Variants in ZFYVE28 observed in about 807,000 individuals in gnomAD.
The protein encoded by ZFYVE28 is zinc finger FYVE-type containing 28, also known as lateral signaling target protein 2 homolog.
In ZFYVE28, 40 loss-of-function variants were observed where a neutral mutation model predicts 82.1. That is an observed-to-expected ratio of 0.49 (90% CI 0.38 to 0.63). The LOEUF (loss-of-function observed/expected upper bound fraction) is 0.63. ZFYVE28 is among the 30% of genes least tolerant of loss of function. The pLI, the probability that ZFYVE28 is intolerant of heterozygous loss-of-function variation, is 0.00. For missense variants in ZFYVE28, 1,321 were observed against 1,242.1 expected (o/e 1.06, Z -0.96); for synonymous variants, 612 against 546.1 (o/e 1.12, Z -1.68).
chr4:2,302,800 C>T (rs367996697), intron 8 of ZFYVE28, among the ~76,000 whole-genome samples: 215 of 152,376 alleles, frequency 1.4e-3, no homozygotes, highest in African/African-American at 3.9e-3. Flanking sequence ...GGCGTGTTGC[C>T]GTGTGCCTCT....
intron 1 of ZFYVE28, among the ~76,000 whole-genome samples, chr4:2,356,367 T>G (rs1725316899): frequency 6.6e-6 from 1 of 151,802 alleles, no homozygotes; most frequent in Non-Finnish European, 1.5e-5. Flanking sequence ...GATCTGGACC[T>G]GGGACACAGC....
intron 1 of ZFYVE28, among the ~76,000 whole-genome samples, chr4:2,407,715 C>T (rs1249999965): frequency 7.2e-5 from 11 of 152,082 alleles, no homozygotes; most frequent in Non-Finnish European, 1.3e-4. Flanking sequence ...CTCAGCCTCC[C>T]GAGTAGCTGG....
chr4:2,398,268 G>A (rs932275709), intron 1 of ZFYVE28, among the ~76,000 whole-genome samples: 7 of 152,208 alleles, frequency 4.6e-5, no homozygotes, highest in African/African-American at 1.7e-4. Context: ...TTGGTGACCC[G>A]ATGGGTGGTC....
intron 6 of ZFYVE28, among the ~76,000 whole-genome samples, chr4:2,327,140 C>A (rs1472439070): frequency 6.6e-6 from 1 of 151,310 alleles, no homozygotes; most frequent in Middle Eastern, 3.2e-3. Context: ...GTCCCAGCTG[C>A]TCAGGAGGCT....
At chr4:2,331,358 G>C (rs1010609787) in intron 6 of ZFYVE28, among the ~76,000 whole-genome samples, 1 of 151,958 alleles carries the variant, frequency 6.6e-6, no homozygotes, top group Non-Finnish European at 1.5e-5. Context: ...TTTTAAGGCC[G>C]GGGCTGGGCA....
intron 7 of ZFYVE28, among the ~76,000 whole-genome samples, chr4:2,318,606 G>GCATCAT (rs1718586027): frequency 6.6e-6 from 1 of 152,196 alleles, no homozygotes; most frequent in Non-Finnish European, 1.5e-5. Flanking sequence ...TTTTCCCTGG[G>GCATCAT]TGGGCGGGGG....
intron 1 of ZFYVE28, among the ~76,000 whole-genome samples, chr4:2,365,364 C>CGTAGTT (rs1385808005): frequency 6.8e-6 from 1 of 146,462 alleles, no homozygotes; most frequent in African/African-American, 2.4e-5. Context: ...TCACAAAGGG[C>CGTAGTT]GTGTCCCCCC....
intron 1 of ZFYVE28, among the ~76,000 whole-genome samples, chr4:2,379,850 C>G (rs543642595): frequency 6.6e-6 from 1 of 151,958 alleles, no homozygotes; most frequent in Non-Finnish European, 1.5e-5. Flanking sequence ...TGCAGTCGCA[C>G]AATCTCAGCT....
chr4:2,351,254 G>A (rs1429865506), intron 2 of ZFYVE28, among the ~76,000 whole-genome samples: 1 of 152,134 alleles, frequency 6.6e-6, no homozygotes, highest in African/African-American at 2.4e-5. Context: ...CGGTGTGTGG[G>A]GAATACCCTA....
intron 1 of ZFYVE28, among the ~76,000 whole-genome samples, chr4:2,388,655 A>G (rs1486643225): frequency 6.6e-6 from 1 of 152,170 alleles, no homozygotes; most frequent in Non-Finnish European, 1.5e-5. Flanking sequence ...GAGAACGAAC[A>G]CGGTGGATGA....
At chr4:2,405,779 G>C (rs1731822001) in intron 1 of ZFYVE28, among the ~76,000 whole-genome samples, 1 of 152,236 alleles carries the variant, frequency 6.6e-6, no homozygotes, top group African/African-American at 2.4e-5. Flanking sequence ...TGGGCGCAGT[G>C]GCTCACGCCT....
Position 2,279,117 on chromosome 4 carries a change from A to C in ZFYVE28, c.2052-4901T>G, listed in dbSNP as rs180904908. 2.6e-4 allele frequency among the ~76,000 whole-genome samples: 39 copies of C among 152,324 alleles called. 1 individual carries two copies. The East Asian group carries it at 7.3e-3, about 29-fold the overall frequency. Reference sequence around the variant, plus strand: ...AATGGAATAAGTTTTCAGCCACAGAAAGGAACGCAGCACTTATACATGCTA... The same window carrying C: ...AATGGAATAAGTTTTCAGCCACAGACAGGAACGCAGCACTTATACATGCTA... On this transcript the variant is annotated intron_variant, in intron 8 of 12. Coordinates refer to ENST00000290974, the MANE Select transcript of ZFYVE28 (RefSeq NM_020972.3).
At position 2,364,745 on chromosome 4, in the gene ZFYVE28, C is replaced by A. The variant is rs1348955167; in HGVS notation, c.40-10672G>T. Reference sequence around the variant, plus strand: ...TGGTGGACGCAGGTGATGAGCATAACGTTGTGCATTCCCGCCGCCGCGCCC... The same window carrying A: ...TGGTGGACGCAGGTGATGAGCATAAAGTTGTGCATTCCCGCCGCCGCGCCC... On this transcript the variant is annotated intron_variant, in intron 1 of 12. Coordinates refer to ENST00000290974, the MANE Select transcript of ZFYVE28 (RefSeq NM_020972.3). 3 of 985,414 alleles carry A rather than the reference C, an allele frequency of 3.0e-6. No homozygotes were observed. In the African/African-American group the frequency reaches 5.2e-5, roughly 17 times the overall value. 61.0% of individuals were successfully genotyped at this position (985,414 alleles called of 1,614,324 possible).
At chr4:2,307,525 T>C (rs1462619664) in intron 7 of ZFYVE28, among the ~76,000 whole-genome samples, 2 of 147,728 alleles carry the variant, frequency 1.4e-5, no homozygotes, top group Non-Finnish European at 2.9e-5. Context: ...ATGGTCTTGC[T>C]CTGTGGCCCA....
chr4:2,302,741 A>G (rs1715759484), intron 8 of ZFYVE28, among the ~76,000 whole-genome samples: 1 of 152,244 alleles, frequency 6.6e-6, no homozygotes, highest in Non-Finnish European at 1.5e-5. Context: ...TGAAGAAATG[A>G]AAGACGGTCT....
intron 1 of ZFYVE28, among the ~76,000 whole-genome samples, chr4:2,371,196 A>G (rs1578289884): frequency 6.6e-6 from 1 of 152,200 alleles, no homozygotes; most frequent in African/African-American, 2.4e-5. Context: ...AGGAAAGGGC[A>G]AAGCCGCCTG....
intron 1 of ZFYVE28, among the ~76,000 whole-genome samples, chr4:2,357,674 G>T (rs971369993): frequency 6.6e-6 from 1 of 152,122 alleles, no homozygotes; most frequent in Non-Finnish European, 1.5e-5. Context: ...CCCTCTCCAC[G>T]TGTGTCCCGC....
At chr4:2,412,053 C>T (rs539289317) in intron 1 of ZFYVE28, among the ~76,000 whole-genome samples, 34 of 152,198 alleles carry the variant, frequency 2.2e-4, no homozygotes, top group Non-Finnish European at 4.0e-4. Context: ...CCCCCTGGGG[C>T]GCAGGCAGGG....
intron 8 of ZFYVE28, among the ~76,000 whole-genome samples, chr4:2,292,435 C>T (rs1487598902): frequency 6.6e-6 from 1 of 152,158 alleles, no homozygotes; most frequent in Non-Finnish European, 1.5e-5. Flanking sequence ...GGTCTACAAG[C>T]AGGTCCCCTG....
Sources: allele counts gnomAD v4.1 joint callset (sites outside exome capture counted in the v4.1 genomes callset), GRCh38; gene constraint gnomAD v4.1.1; transcripts MANE v1.5; gene names NCBI Gene and HGNC (gene_info 2026-07-23, HGNC 2026-07-21).